The following UPP2 variants were observed in gnomAD, a reference collection of about 807,000 sequenced individuals.
The protein encoded by UPP2 is UPase 2.
In UPP2, 23 loss-of-function variants were observed where a neutral mutation model predicts 26.7. That is an observed-to-expected ratio of 0.86 (90% CI 0.62 to 1.22). The LOEUF is 1.22. Among genes scored for constraint, UPP2 ranks in the 50% most tolerant of loss-of-function variants. The probability of loss-of-function intolerance (pLI) is 0.00; values close to 1 mark genes in which losing one functional copy is unlikely to be tolerated. For synonymous variants in UPP2, 127 were observed against 141.3 expected (o/e 0.90, Z 0.72); for missense variants, 387 against 396.7 (o/e 0.98, Z 0.21).
At chr2:157,995,591 T>C (rs1683312422) in intron 2 of UPP2, among the ~76,000 whole-genome samples, 1 of 152,182 alleles carries the variant, frequency 6.6e-6, no homozygotes, top group South Asian at 2.1e-4. Context: ...TTTAAGGTAG[T>C]TGACCACTCT....
At chr2:158,066,550 A>G (rs1182972203) in intron 3 of UPP2, among the ~76,000 whole-genome samples, 3 of 152,102 alleles carry the variant, frequency 2.0e-5, no homozygotes. Context: ...TAGGGCCTAC[A>G]TAGTGATTTG....
At chr2:158,100,733 A>G (rs1683062068), upstream of UPP2, among the ~76,000 whole-genome samples, 1 of 152,238 alleles carries the variant, frequency 6.6e-6, no homozygotes, top group South Asian at 2.1e-4. Flanking sequence ...CTTTTCCAGG[A>G]TAAGTGTCCT....
chr2:158,116,809 T>A (rs918022794), intron 3 of UPP2, among the ~76,000 whole-genome samples: 13 of 152,226 alleles, frequency 8.5e-5, no homozygotes, highest in African/African-American at 3.1e-4. Context: ...AACTTGTTAA[T>A]CTTGGATATA....
intron 4 of UPP2, among the ~76,000 whole-genome samples, chr2:158,119,351 T>TGGTGTTAATTTGG (rs1369230491): frequency 6.6e-6 from 1 of 152,080 alleles, no homozygotes; most frequent in African/African-American, 2.4e-5. Context: ...ATTAACCCAC[T>TGGTGTTAATTTGG]GTACTGGTGT....
intron 1 of UPP2, among the ~76,000 whole-genome samples, chr2:158,104,748 C>A (rs1683144254): frequency 6.6e-6 from 1 of 151,848 alleles, no homozygotes; most frequent in Non-Finnish European, 1.5e-5. Context: ...ATGGTGAAAC[C>A]CCATCTCTAC....
chr2:158,057,401 T>C (rs1682264125), intron 3 of UPP2, among the ~76,000 whole-genome samples: 1 of 152,236 alleles, frequency 6.6e-6, no homozygotes, highest in African/African-American at 2.4e-5. Context: ...ATTTATTTAA[T>C]CATGTATTTA....
intron 6 of UPP2, among the ~76,000 whole-genome samples, chr2:158,132,732 A>G (rs1167837668): frequency 6.6e-6 from 1 of 152,188 alleles, no homozygotes; most frequent in East Asian, 1.9e-4. Flanking sequence ...TAGGTTCTAA[A>G]AGAAGACATA....
chr2:158,025,568 T>C (rs1683821152), intron 3 of UPP2, among the ~76,000 whole-genome samples: 1 of 152,188 alleles, frequency 6.6e-6, no homozygotes, highest in Admixed American at 6.5e-5. Context: ...ACTGGCAAGG[T>C]CACTGCCAGC....
chr2:158,120,007 T>A (rs1683529452), intron 4 of UPP2, among the ~76,000 whole-genome samples: 1 of 113,174 alleles, frequency 8.8e-6, no homozygotes. Context: ...CAAGACCTCA[T>A]CTCAAAAAAA....
At chr2:158,002,836 T>C (rs758728949) in intron 2 of UPP2, among the ~76,000 whole-genome samples, 1 of 152,220 alleles carries the variant, frequency 6.6e-6, no homozygotes, top group Non-Finnish European at 1.5e-5. Context: ...GGCAACACCG[T>C]TGTGACATTA....
chr2:158,023,817 G>A (rs1683793503), intron 3 of UPP2, among the ~76,000 whole-genome samples: 1 of 152,210 alleles, frequency 6.6e-6, no homozygotes, highest in African/African-American at 2.4e-5. Context: ...GAAGTTGCCA[G>A]GTCACTGTGG....
intron 3 of UPP2, among the ~76,000 whole-genome samples, chr2:158,017,078 T>C (rs1054524726): frequency 6.6e-6 from 1 of 152,182 alleles, no homozygotes; most frequent in South Asian, 2.1e-4. Context: ...AGTGTGACAT[T>C]TTAAATAAAC....
rs116717526 is a variant in UPP2, at chr2:158,040,298, T to G, written c.147+24412T>G. 4.3e-3 allele frequency among the ~76,000 whole-genome samples: 659 copies of G among 152,302 alleles called. 6 individuals carry two copies. Among genetic ancestry groups the G allele is most frequent in the Non-Finnish European group, 4.9e-3 (330 of 68,006 alleles). On this transcript the variant is annotated intron_variant, in intron 3 of 9. Coordinates refer to the UPP2 transcript ENST00000605860. ...CTTAATATTATAATGGCCTCAGTTA[T>G]ATTGTTTGTATCAACTGATGAGTAC...
intron 5 of UPP2, among the ~76,000 whole-genome samples, chr2:158,123,050 A>G (rs1175592550): frequency 2.6e-5 from 4 of 152,232 alleles, no homozygotes; most frequent in Admixed American, 6.5e-5. Flanking sequence ...GCTTGAATCC[A>G]GGTCTTCTCA....
At chr2:158,024,361 G>A (rs1034665524) in intron 3 of UPP2, among the ~76,000 whole-genome samples, 1 of 152,170 alleles carries the variant, frequency 6.6e-6, no homozygotes, top group Admixed American at 6.5e-5. Flanking sequence ...ACTACAAGTT[G>A]ACCTGTAGAG....
intron 4 of UPP2, among the ~76,000 whole-genome samples, chr2:158,119,882 G>A (rs1267261753): frequency 6.6e-6 from 1 of 151,628 alleles, no homozygotes; most frequent in East Asian, 1.9e-4. Flanking sequence ...GTGGGTGTAT[G>A]TGCCTGTAGT....
chr2:158,127,364 A>G (rs548807910), intron 6 of UPP2, among the ~76,000 whole-genome samples: 1 of 152,186 alleles, frequency 6.6e-6, no homozygotes, highest in Admixed American at 6.5e-5. Context: ...CATTAGTGCC[A>G]TAAGAACAGG....
At chr2:158,100,149 GA>G (rs1167397157), upstream of UPP2, among the ~76,000 whole-genome samples, 1 of 152,222 alleles carries the variant, frequency 6.6e-6, no homozygotes, top group Non-Finnish European at 1.5e-5. Context: ...AGACTGCCCA[GA>G]AGGCATTAAC....
chr2:158,074,829 A>ATTTT (rs553783906), intron 3 of UPP2, among the ~76,000 whole-genome samples: 1 of 142,288 alleles, frequency 7.0e-6, no homozygotes, highest in Non-Finnish European at 1.6e-5. Context: ...GACTGAGAGA[A>ATTTT]TTTTTTTTTT....
Sources: allele counts gnomAD v4.1 joint callset (sites outside exome capture counted in the v4.1 genomes callset), GRCh38; gene constraint gnomAD v4.1.1; transcripts MANE v1.5; gene names NCBI Gene and HGNC (gene_info 2026-07-23, HGNC 2026-07-21).